The following STEAP1B variants were observed in gnomAD, a reference collection of about 807,000 sequenced individuals.
STEAP1B encodes STEAP family protein MGC87042.
STEAP1B carries 13 observed loss-of-function variants against 27.9 expected under a neutral mutation model. That is an observed-to-expected ratio of 0.47 (90% CI 0.30 to 0.74). The LOEUF (loss-of-function observed/expected upper bound fraction) is 0.74, where lower values mean the gene tolerates loss of function less well. Ranked by LOEUF, STEAP1B falls within the 30% of genes least tolerant of loss-of-function variation. STEAP1B has a pLI of 0.06. For missense variants in STEAP1B, 250 were observed against 298.7 expected (o/e 0.84, Z 1.20); for synonymous variants, 86 against 107.1 (o/e 0.80, Z 1.22).
intron 4 of STEAP1B, among the ~76,000 whole-genome samples, chr7:22,430,848 C>G (rs189227913): frequency 6.6e-6 from 1 of 152,340 alleles, no homozygotes; most frequent in Admixed American, 6.5e-5. Context: ...TGCTCATGAC[C>G]TGCATTTTTC....
intron 4 of STEAP1B, among the ~76,000 whole-genome samples, chr7:22,461,671 T>C (rs1433557803): frequency 1.3e-5 from 2 of 152,222 alleles, no homozygotes; most frequent in Non-Finnish European, 2.9e-5. Context: ...TTCAGAATAT[T>C]GGATTACACC....
chr7:22,480,912 C>T (rs905989884), intron 4 of STEAP1B, among the ~76,000 whole-genome samples: 1 of 152,200 alleles, frequency 6.6e-6, no homozygotes, highest in African/African-American at 2.4e-5. Context: ...TCCATGGGAC[C>T]ACAATGAGTC....
At chr7:22,494,332 G>A (rs1399142209) in intron 2 of STEAP1B, among the ~76,000 whole-genome samples, 1 of 151,908 alleles carries the variant, frequency 6.6e-6, no homozygotes, top group African/African-American at 2.4e-5. Flanking sequence ...GTTATACAGT[G>A]AATCGTCAAT....
At chr7:22,439,609 T>G (rs1240277205) in intron 4 of STEAP1B, among the ~76,000 whole-genome samples, 1 of 152,184 alleles carries the variant, frequency 6.6e-6, no homozygotes, top group Non-Finnish European at 1.5e-5. Flanking sequence ...TACAAAATTT[T>G]GGGGGAGCAC....
chr7:22,490,832 T>C (rs7803311), intron 4 of STEAP1B, among the ~76,000 whole-genome samples: 13,143 of 152,176 alleles, frequency 0.086, 653 homozygotes, highest in African/African-American at 0.097. Flanking sequence ...GAAAGCAAAA[T>C]ACAGACTGGA....
At chr7:22,462,752 T>C (rs1337356966) in intron 4 of STEAP1B, among the ~76,000 whole-genome samples, 4 of 151,848 alleles carry the variant, frequency 2.6e-5, no homozygotes, top group Non-Finnish European at 5.9e-5. Flanking sequence ...TAACCAGTAA[T>C]GGGATGGCTG....
intron 4 of STEAP1B, among the ~76,000 whole-genome samples, chr7:22,472,115 G>A (rs1011173243): frequency 1.2e-4 from 19 of 152,236 alleles, no homozygotes; most frequent in Non-Finnish European, 2.2e-4. Flanking sequence ...TATCTTTGGA[G>A]GCTCAAGGGA....
intron 4 of STEAP1B, among the ~76,000 whole-genome samples, chr7:22,487,586 C>A (rs1423453139): frequency 1.3e-5 from 2 of 151,506 alleles, no homozygotes; most frequent in African/African-American, 4.9e-5. Context: ...GGGTGCATCA[C>A]CTGAGGTCGG....
chr7:22,453,330 A>G (rs564232933), intron 4 of STEAP1B, among the ~76,000 whole-genome samples: 1 of 152,280 alleles, frequency 6.6e-6, no homozygotes, highest in South Asian at 2.1e-4. Context: ...TCCAGCACCA[A>G]CTGTGCTATG....
At chr7:22,499,636 C>A (rs1218613457) in intron 1 of STEAP1B, among the ~76,000 whole-genome samples, 1 of 152,138 alleles carries the variant, frequency 6.6e-6, no homozygotes, top group Admixed American at 6.5e-5. Flanking sequence ...CCACCCAGAT[C>A]CTGAAAGAGT....
chr7:22,477,650 A>T (rs747964193), intron 4 of STEAP1B, among the ~76,000 whole-genome samples: 1 of 152,168 alleles, frequency 6.6e-6, no homozygotes, highest in Non-Finnish European at 1.5e-5. Flanking sequence ...TTTTTAATGG[A>T]TCCTCACTTG....
At chr7:22,464,396 T>C (rs1436842436) in intron 4 of STEAP1B, among the ~76,000 whole-genome samples, 2 of 152,194 alleles carry the variant, frequency 1.3e-5, no homozygotes, top group African/African-American at 4.8e-5. Flanking sequence ...CTTTTTAACT[T>C]AGTCCTACAT....
Position 22,419,589 on chromosome 7 carries a change from A to T in STEAP1B, c.*215T>A, listed in dbSNP as rs980216177. 28 of 425,458 alleles carry T rather than the reference A, an allele frequency of 6.6e-5. No homozygotes were observed. The highest frequency in any genetic ancestry group is 5.7e-4 in the Middle Eastern group (1 of 1,750). The allele number at this position is 425,458 out of a possible 1,614,324, so 26.4% of individuals were successfully genotyped here. A position where few individuals can be genotyped will look rare whatever the true frequency, so the allele number is the denominator to read the frequency against. ...AACACAATCTCAGTGGATTAGCACA[A>T]CACATATGGACTTTTTGTTTGCTCT... On this transcript the variant is annotated 3_prime_UTR_variant, in exon 5 of 5. Coordinates refer to ENST00000678116, the MANE Select transcript of STEAP1B (RefSeq NM_001382447.1).
At chr7:22,480,401 G>T (rs563949769) in intron 4 of STEAP1B, among the ~76,000 whole-genome samples, 148 of 152,290 alleles carry the variant, frequency 9.7e-4, no homozygotes, top group Non-Finnish European at 1.8e-3. Context: ...CTTGTATCAA[G>T]ATGTGGTTAT....
intron 4 of STEAP1B, among the ~76,000 whole-genome samples, chr7:22,425,299 T>A (rs1785091968): frequency 6.6e-6 from 1 of 152,202 alleles, no homozygotes; most frequent in South Asian, 2.1e-4. Context: ...TTGGCAGCAG[T>A]AAGTTATTTT....
At chr7:22,477,444 G>A (rs1227859135) in intron 4 of STEAP1B, among the ~76,000 whole-genome samples, 2 of 152,008 alleles carry the variant, frequency 1.3e-5, no homozygotes, top group Non-Finnish European at 2.9e-5. Context: ...TAACCACTGA[G>A]GAAACAGATT....
intron 4 of STEAP1B, among the ~76,000 whole-genome samples, chr7:22,485,288 C>T (rs984429736): frequency 6.6e-6 from 1 of 152,196 alleles, no homozygotes; most frequent in African/African-American, 2.4e-5. Context: ...GCCACAGCCA[C>T]CTAGCCTTTA....
intron 4 of STEAP1B, among the ~76,000 whole-genome samples, chr7:22,468,383 T>C (rs1284617676): frequency 6.6e-6 from 1 of 152,118 alleles, no homozygotes; most frequent in African/African-American, 2.4e-5. Context: ...TCCCAAAAAA[T>C]CTGTCAGTAC....
intron 4 of STEAP1B, among the ~76,000 whole-genome samples, chr7:22,474,434 A>G (rs17364464): frequency 0.12 from 18,671 of 152,236 alleles, 1,216 homozygotes; most frequent in Non-Finnish European, 0.15. Context: ...CTTATTTGGA[A>G]TCTAAAGCCC....
Sources: gnomAD v4.1 joint callset for allele counts (sites outside exome capture counted in the v4.1 genomes callset) on GRCh38, gnomAD v4.1.1 for gene constraint, MANE v1.5 for transcripts, NCBI Gene and HGNC (gene_info 2026-07-23, HGNC 2026-07-21) for gene names.